The following CADPS2 variants were observed in gnomAD, a reference collection of about 807,000 sequenced individuals.
CADPS2 encodes calcium dependent secretion activator 2.
Under a neutral mutation model 172.5 loss-of-function variants are expected in CADPS2, and 93 were observed. The observed-to-expected ratio is 0.54, with a 90% CI of 0.46 to 0.64. The LOEUF is 0.64. Among genes scored for constraint, CADPS2 ranks in the 30% least tolerant of loss-of-function variants. The probability of loss-of-function intolerance (pLI) is 0.00; values close to 1 mark genes in which losing one functional copy is unlikely to be tolerated. For missense variants in CADPS2, 1,420 were observed against 1,565.9 expected (o/e 0.91, Z 1.57); for synonymous variants, 546 against 555.2 (o/e 0.98, Z 0.23).
intron 6 of CADPS2, among the ~76,000 whole-genome samples, chr7:122,585,952 G>T (rs1338685200): frequency 6.6e-6 from 1 of 151,846 alleles, no homozygotes; most frequent in East Asian, 1.9e-4. Context: ...CAAAATAATT[G>T]TAAGTATTAA....
intron 7 of CADPS2, among the ~76,000 whole-genome samples, chr7:122,571,234 AG>A (rs1400338432): frequency 6.6e-6 from 1 of 152,152 alleles, no homozygotes; most frequent in East Asian, 1.9e-4. Flanking sequence ...GATGGCAAAA[AG>A]ATGCTAAACA....
chr7:122,386,390 T>C (rs2043675433), intron 24 of CADPS2: 1 of 873,058 alleles, frequency 1.1e-6, no homozygotes, highest in Non-Finnish European at 1.6e-6. Flanking sequence ...AAAAAGTAAT[T>C]ACAATGGGAA....
intron 3 of CADPS2, among the ~76,000 whole-genome samples, chr7:122,658,833 T>C (rs1163349952): frequency 2.0e-5 from 3 of 152,004 alleles, no homozygotes; most frequent in African/African-American, 7.2e-5. Flanking sequence ...TGTATACATA[T>C]GTAACTAACC....
chr7:122,491,513 A>G, intron 9 of CADPS2, 93 bp from the exon 10 acceptor site: 1 of 595,952 alleles, frequency 1.7e-6, no homozygotes, highest in Non-Finnish European at 2.8e-6. Context: ...TTCCCAATTA[A>G]AAATATAACA....
intron 17 of CADPS2, among the ~76,000 whole-genome samples, chr7:122,424,760 C>T (rs574313412): frequency 6.8e-6 from 1 of 146,078 alleles, no homozygotes; most frequent in East Asian, 2.1e-4. Context: ...CCTTGGCTCT[C>T]CCAAAGTTTA....
chr7:122,536,975 A>C, intron 8 of CADPS2, among the ~76,000 whole-genome samples: 1 of 152,016 alleles, frequency 6.6e-6, no homozygotes. Flanking sequence ...AATGATGAGA[A>C]CACATGGGCA....
chr7:122,375,718 C>G (rs1384160952), intron 25 of CADPS2, among the ~76,000 whole-genome samples: 1 of 151,862 alleles, frequency 6.6e-6, no homozygotes, highest in African/African-American at 2.4e-5. Flanking sequence ...GACTTCTTGG[C>G]TATGATACAA....
intron 9 of CADPS2, among the ~76,000 whole-genome samples, chr7:122,506,020 T>A (rs2059583453): frequency 6.6e-6 from 1 of 152,162 alleles, no homozygotes; most frequent in Non-Finnish European, 1.5e-5. Context: ...GAAATTGTAC[T>A]CAGACCTGTA....
chr7:122,369,220 C>G (rs1185174119), intron 25 of CADPS2, among the ~76,000 whole-genome samples: 1 of 144,618 alleles, frequency 6.9e-6, no homozygotes, highest in Non-Finnish European at 1.5e-5. Flanking sequence ...CAAGCTCCGT[C>G]TCCCGGGTTC....
chr7:122,828,835 G>T (rs572500452), intron 1 of CADPS2, among the ~76,000 whole-genome samples: 2 of 152,264 alleles, frequency 1.3e-5, no homozygotes, highest in South Asian at 4.1e-4. Context: ...TCTAGCACTT[G>T]ATAATATTCT....
At chr7:122,815,911 C>T (rs1385502124) in intron 1 of CADPS2, among the ~76,000 whole-genome samples, 1 of 152,050 alleles carries the variant, frequency 6.6e-6, no homozygotes, top group African/African-American at 2.4e-5. Flanking sequence ...AATAGTTGTA[C>T]ATATTTAGGA....
intron 2 of CADPS2, among the ~76,000 whole-genome samples, chr7:122,682,142 T>A (rs2083120714): frequency 6.6e-6 from 1 of 152,184 alleles, no homozygotes; most frequent in Non-Finnish European, 1.5e-5. Flanking sequence ...AAGTGAAGAT[T>A]TACCAAGCCT....
Position 122,388,690 on chromosome 7 carries a change from C to G in CADPS2, c.3057G>C (p.Leu1019=), listed in dbSNP as rs1001004399. 3.7e-6 allele frequency: 6 copies of G among 1,609,722 alleles called. No homozygotes were observed. The highest frequency in any genetic ancestry group is 5.1e-6 in the Non-Finnish European group (6 of 1,177,368). ...AGTGCAGATCAAAGACAAACATTTGCAGTGCATCAAGCTTCCAAAAAAGGT... is the reference window on the plus strand; with the variant it reads ...AGTGCAGATCAAAGACAAACATTTGGAGTGCATCAAGCTTCCAAAAAAGGT... ...SEDLFWKLDA[L]QMFVFDLHWP... is the part of the protein sequence containing the mutation. The change falls in exon 23 of 30, where the codon CTG becomes CTC. Residue 1019 remains leucine (L), a synonymous_variant. Coordinates refer to ENST00000449022, the MANE Select transcript of CADPS2 (RefSeq NM_017954.11).
At position 122,674,175 on chromosome 7, in the gene CADPS2, G is replaced by A. The variant is rs117811799; in HGVS notation, c.454-10606C>T. 8.9e-3 allele frequency among the ~76,000 whole-genome samples: 1,351 copies of A among 152,144 alleles called. 10 individuals are homozygous for A. The highest frequency in any genetic ancestry group is 0.041 in the Middle Eastern group (12 of 294). On this transcript the variant is annotated intron_variant, in intron 2 of 29. Coordinates refer to ENST00000449022, the MANE Select transcript of CADPS2 (RefSeq NM_017954.11). ...CCGGAACTCACGCTGTCCTGCAAGCGCCCCGCACAGCCCCGGGTCCCCGCC... is the reference window on the plus strand; with the variant it reads ...CCGGAACTCACGCTGTCCTGCAAGCACCCCGCACAGCCCCGGGTCCCCGCC...
Position 122,697,808 on chromosome 7 carries a change from C to T in CADPS2, c.454-34239G>A. 6.9e-6 allele frequency: 11 copies of T among 1,587,238 alleles called. No individual in the cohort carries two copies. The highest frequency in any genetic ancestry group is 9.4e-6 in the Non-Finnish European group (11 of 1,170,328). ...TGCCATCAAGGTGAAGGATGAACAT[C>T]TTCCACTACTGAATGAGGCTGGATG... On this transcript the variant is annotated intron_variant, in intron 2 of 29. Coordinates refer to ENST00000449022, the MANE Select transcript of CADPS2 (RefSeq NM_017954.11).
intron 9 of CADPS2, among the ~76,000 whole-genome samples, chr7:122,494,979 G>A (rs1415563099): frequency 6.6e-6 from 1 of 151,748 alleles, no homozygotes; most frequent in East Asian, 1.9e-4. Flanking sequence ...AGGGTTAAGG[G>A]GTTGGAGGTG....
At chr7:122,457,470 A>C (rs901538942) in intron 14 of CADPS2, among the ~76,000 whole-genome samples, 2 of 152,194 alleles carry the variant, frequency 1.3e-5, no homozygotes, top group Non-Finnish European at 2.9e-5. Flanking sequence ...TTTCCAAAAC[A>C]CATTGTAAGG....
intron 1 of CADPS2, among the ~76,000 whole-genome samples, chr7:122,781,636 T>C (rs926373623): frequency 3.3e-5 from 5 of 152,172 alleles, no homozygotes; most frequent in Non-Finnish European, 5.9e-5. Context: ...ATCTATCCTT[T>C]TCCTAATCAA....
intron 6 of CADPS2, among the ~76,000 whole-genome samples, chr7:122,583,154 C>A (rs1368789701): frequency 6.6e-6 from 1 of 151,854 alleles, no homozygotes; most frequent in Non-Finnish European, 1.5e-5. Context: ...TGATCCTTCA[C>A]AGACAAGTAT....
Sources: allele counts gnomAD v4.1 joint callset (sites outside exome capture counted in the v4.1 genomes callset), GRCh38; gene constraint gnomAD v4.1.1; transcripts MANE v1.5; gene names NCBI Gene and HGNC (gene_info 2026-07-23, HGNC 2026-07-21).